Variants in BAZ2B observed in about 807,000 individuals in gnomAD.
BAZ2B encodes the protein bromodomain adjacent to zinc finger domain 2B, also known as bromodomain adjacent to zinc finger domain protein 2B.
BAZ2B carries 91 observed loss-of-function variants against 246.0 expected under a neutral mutation model. That is an observed-to-expected ratio of 0.37 (90% CI 0.31 to 0.44). BAZ2B has a LOEUF of 0.44. Among genes scored for constraint, BAZ2B ranks in the 20% least tolerant of loss-of-function variants. The pLI, the probability that BAZ2B is intolerant of heterozygous loss-of-function variation, is 1.00. For synonymous variants in BAZ2B, 855 were observed against 860.0 expected, an observed-to-expected ratio of 0.99 and a Z score of 0.10; for missense variants, 2,332 against 2,533.7, an observed-to-expected ratio of 0.92 and a Z score of 1.71.
chr2:159,691,889 T>A, the BAZ2B span, among the ~76,000 whole-genome samples: 70 of 152,288 alleles, frequency 4.6e-4, no homozygotes, highest in African/African-American at 1.5e-3. Context: ...CTCACCACAA[T>A]AGCAATAGGA....
intron 31 of BAZ2B, among the ~76,000 whole-genome samples, chr2:159,345,187 G>A (rs2067564475): frequency 6.7e-6 from 1 of 149,868 alleles, no homozygotes; most frequent in African/African-American, 2.5e-5. Context: ...CTCAAGCCTG[G>A]GCAACAAAAG....
At chr2:159,548,549 C>A (rs1377048135) in intron 2 of BAZ2B, among the ~76,000 whole-genome samples, 1 of 152,120 alleles carries the variant, frequency 6.6e-6, no homozygotes, top group Non-Finnish European at 1.5e-5. Flanking sequence ...AAATAAGTAC[C>A]TAGCATCTTA....
chr2:159,339,994 GAA>G, intron 31 of BAZ2B, among the ~76,000 whole-genome samples: 1 of 151,976 alleles, frequency 6.6e-6, no homozygotes, highest in Non-Finnish European at 1.5e-5. Flanking sequence ...AGAAATAGGA[GAA>G]TACATAAAGA....
At chr2:159,546,054 T>C (rs982919868) in intron 2 of BAZ2B, among the ~76,000 whole-genome samples, 4 of 152,178 alleles carry the variant, frequency 2.6e-5, no homozygotes, top group African/African-American at 9.6e-5. Context: ...AAATGAATCA[T>C]TATAGTCAAC....
chr2:159,462,751 G>A, intron 3 of BAZ2B: 1 of 1,417,466 alleles, frequency 7.1e-7, no homozygotes, highest in South Asian at 1.2e-5. Flanking sequence ...GACCATTCCA[G>A]AAGTTTTTAG....
At chr2:159,363,104 G>A (rs1211660391) in intron 27 of BAZ2B, among the ~76,000 whole-genome samples, 1 of 152,174 alleles carries the variant, frequency 6.6e-6, no homozygotes. Flanking sequence ...AGACAACAGT[G>A]TTGTTAAGGG....
At chr2:159,468,826 CA>C (rs1276902965) in intron 3 of BAZ2B, among the ~76,000 whole-genome samples, 2 of 151,964 alleles carry the variant, frequency 1.3e-5, no homozygotes, top group Non-Finnish European at 1.5e-5. Flanking sequence ...GGGTGGTTCA[CA>C]AGTTCAGGAG....
chr2:159,508,861 C>G (rs1256205256), intron 2 of BAZ2B, among the ~76,000 whole-genome samples: 2 of 152,082 alleles, frequency 1.3e-5, no homozygotes, highest in Non-Finnish European at 2.9e-5. Flanking sequence ...TAATTCATTA[C>G]TGTTTGTGGG....
At chr2:159,386,269 T>C (rs2062644804) in intron 22 of BAZ2B, 84 bp downstream of exon 22, 7 of 1,340,736 alleles carry the variant, frequency 5.2e-6, no homozygotes, top group Non-Finnish European at 7.0e-6. Context: ...TCAATCTATA[T>C]AATCTTCTGC....
Position 159,349,164 on chromosome 2 carries a change from T to A in BAZ2B, c.4980A>T (p.Leu1660Phe), listed in dbSNP as rs754306304. 1 of 1,614,110 alleles carries A rather than the reference T, an allele frequency of 6.2e-7. No individual in the cohort carries two copies. The highest frequency in any genetic ancestry group is 8.5e-7 in the Non-Finnish European group (1 of 1,179,992). ...SVPSLGSGLG[L>F]SEGNGNSFLT... is the part of the protein sequence containing the mutation. ...AGAATGAATTACCATTTCCTTCTGA[T>A]AACCCTAACCCCGATCCTAGACTAG... Residue 1660 changes from leucine to phenylalanine, a missense_variant, in exon 29 of 37, where the codon TTA becomes TTT. Coordinates refer to ENST00000392783, the MANE Select transcript of BAZ2B (RefSeq NM_013450.4).
chr2:159,422,268 A>G (rs991462145), intron 13 of BAZ2B, among the ~76,000 whole-genome samples: 1 of 152,228 alleles, frequency 6.6e-6, no homozygotes, highest in Non-Finnish European at 1.5e-5. Flanking sequence ...TGAAACCTAA[A>G]GAGCCTAAAT....
At chr2:159,393,697 A>C (rs932067063) in intron 20 of BAZ2B, among the ~76,000 whole-genome samples, 3 of 152,136 alleles carry the variant, frequency 2.0e-5, no homozygotes, top group African/African-American at 7.2e-5. Context: ...TCTCAGTTTT[A>C]TTGGAAGAAC....
intron 1 of BAZ2B, among the ~76,000 whole-genome samples, chr2:159,572,959 TAGA>T (rs1365642133): frequency 6.6e-6 from 1 of 152,160 alleles, no homozygotes; most frequent in Non-Finnish European, 1.5e-5. Context: ...ACAGGGTGCT[TAGA>T]AGATGAGAAG....
intron 2 of BAZ2B, among the ~76,000 whole-genome samples, chr2:159,542,469 G>C (rs1053682570): frequency 2.0e-5 from 3 of 151,954 alleles, no homozygotes; most frequent in East Asian, 1.9e-4. Context: ...TATGTACAAG[G>C]AATCTTCAAT....
chr2:159,645,402 G>A, the BAZ2B span, among the ~76,000 whole-genome samples: 1 of 152,138 alleles, frequency 6.6e-6, no homozygotes, highest in Non-Finnish European at 1.5e-5. Context: ...GATGGAGCAA[G>A]GTGGGAGGGT....
At position 159,531,920 on chromosome 2, in the gene BAZ2B, T is replaced by C. The variant is rs1377260050; in HGVS notation, c.-3+23903A>G. ...TAAAGTGTATATATTCAATTATCTA[T>C]ACACTTACATATACTTTCCTATAAT... On this transcript the variant is annotated intron_variant, in intron 2 of 36. Transcript: ENST00000392783. Among the ~76,000 whole-genome samples, 3 of 152,344 alleles carry C rather than the reference T, an allele frequency of 2.0e-5. No individual in the cohort carries two copies. In the East Asian group the frequency reaches 5.8e-4, roughly 29 times the overall value.
chr2:159,682,191 CTTT>C, the BAZ2B span, among the ~76,000 whole-genome samples: 1 of 111,770 alleles, frequency 8.9e-6, no homozygotes, highest in East Asian at 2.6e-4. Flanking sequence ...TGCTCAGGCT[CTTT>C]TTTTTTTTTT....
At chr2:159,466,556 C>A (rs909296053) in intron 3 of BAZ2B, among the ~76,000 whole-genome samples, 2 of 152,150 alleles carry the variant, frequency 1.3e-5, no homozygotes, top group Non-Finnish European at 1.5e-5. Context: ...ATTATAGCTG[C>A]AGCAATTACC....
intron 25 of BAZ2B, among the ~76,000 whole-genome samples, chr2:159,379,601 CATG>C (rs1442878124): frequency 6.6e-6 from 1 of 152,072 alleles, no homozygotes; most frequent in Non-Finnish European, 1.5e-5. Context: ...ATTTTGTACT[CATG>C]ATATTTTTAC....
Sources: gnomAD v4.1 joint callset for allele counts (sites outside exome capture counted in the v4.1 genomes callset) on GRCh38, gnomAD v4.1.1 for gene constraint, MANE v1.5 for transcripts, NCBI Gene and HGNC (gene_info 2026-07-23, HGNC 2026-07-21) for gene names.